XPC: variants seen among roughly 807,000 people sequenced by gnomAD.
XPC encodes XPC complex subunit, DNA damage recognition and repair factor, also known as DNA repair protein complementing XP-C cells.
A neutral mutation model predicts 95.8 loss-of-function variants in XPC; 76 were observed. The ratio of observed to expected loss-of-function variants is 0.79; its 90% CI spans 0.66 to 0.96. The LOEUF (loss-of-function observed/expected upper bound fraction) is 0.96. Ranked by LOEUF, XPC falls within the 40% of genes least tolerant of loss-of-function variation. The pLI, the probability that XPC is intolerant of heterozygous loss-of-function variation, is 0.00. For missense variants in XPC, 1,146 were observed against 1,179.8 expected (o/e 0.97, Z 0.42); for synonymous variants, 442 against 442.1 (o/e 1.00, Z 0.00).
intron 3 of XPC, among the ~76,000 whole-genome samples, chr3:14,169,941 T>C (rs1224022473): frequency 6.6e-6 from 1 of 152,244 alleles, no homozygotes; most frequent in Non-Finnish European, 1.5e-5. Flanking sequence ...TGTGAGTGTA[T>C]GATACATTAG....
chr3:14,178,533 C>T lies in XPC; in HGVS notation c.36G>A (p.Arg12=). Residue 12 remains arginine, a synonymous_variant, in exon 1 of 16, where the codon CGG becomes CGA. Transcript: ENST00000285021. ...ATTTCTGGCTGCGCAGTTCGCGTCC[C>T]CGCGGCTCCCCGCCGGCCGCGCGTT... is the stretch of plus-strand genomic sequence containing the variant. ...ARKRAAGGEP[R]GRELRSQKSK... 1.2e-6 allele frequency: 2 copies of T among 1,613,008 alleles called. No homozygotes were observed. The highest frequency in any genetic ancestry group is 1.7e-6 in the Non-Finnish European group (2 of 1,179,618).
chr3:14,167,039 T>G, intron 5 of XPC, 130 bp downstream of exon 5: 1 of 703,318 alleles, frequency 1.4e-6, no homozygotes, highest in Non-Finnish European at 2.2e-6. Flanking sequence ...CAGATGAGGA[T>G]GCAAAGGCTC....
At chr3:14,154,182 T>C (rs1124303) in intron 10 of XPC, among the ~76,000 whole-genome samples, 1 of 152,304 alleles carries the variant, frequency 6.6e-6, no homozygotes, top group Non-Finnish European at 1.5e-5. Context: ...CCTTGTGGAC[T>C]GTCGGTGAAA....
intron 11 of XPC, 196 bp downstream of exon 11, chr3:14,152,139 C>T: frequency 1.9e-6 from 1 of 538,726 alleles, no homozygotes; most frequent in Non-Finnish European, 3.2e-6. Context: ...CCATTTCTTA[C>T]AAATGTCTTA....
chr3:14,163,947 G>A (rs1194711509), intron 7 of XPC, among the ~76,000 whole-genome samples: 3 of 152,200 alleles, frequency 2.0e-5, no homozygotes, highest in African/African-American at 7.2e-5. Context: ...TACTCGCGAG[G>A]CTGAGGCATG....
At chr3:14,173,137 T>C (rs1348995635) in intron 1 of XPC, 75 bp from the exon 2 acceptor site, 26 of 1,394,284 alleles carry the variant, frequency 1.9e-5, no homozygotes, top group Non-Finnish European at 2.3e-5. Context: ...GGCAGGGGCA[T>C]AAAACGGCTC....
chr3:14,168,174 A>C (rs1305356499), intron 4 of XPC, 83 bp downstream of exon 4: 2 of 1,489,518 alleles, frequency 1.3e-6, no homozygotes, highest in South Asian at 1.4e-5. Context: ...CTGGTCCCCT[A>C]CAAGTTTCTC....
intron 1 of XPC, among the ~76,000 whole-genome samples, chr3:14,175,050 T>C (rs1377795103): frequency 1.3e-5 from 2 of 152,152 alleles, no homozygotes; most frequent in Non-Finnish European, 2.9e-5. Flanking sequence ...CAGCAACTCA[T>C]AGCACTCAGA....
intron 5 of XPC, 101 bp downstream of exon 5, chr3:14,167,068 G>T: frequency 1.9e-6 from 2 of 1,049,282 alleles, no homozygotes; most frequent in East Asian, 2.9e-5. Context: ...TAAGAAACTT[G>T]CCATGGCCAC....
chr3:14,152,148 T>G, intron 11 of XPC, 187 bp downstream of exon 11: 2 of 548,262 alleles, frequency 3.6e-6, no homozygotes, highest in Non-Finnish European at 6.4e-6. Context: ...ACAAATGTCT[T>G]ATTAATAAGA....
chr3:14,149,089 CT>C (rs111520695), intron 11 of XPC, 141 bp from the exon 12 acceptor site: 123,534 of 879,532 alleles, frequency 0.14, no homozygotes, highest in South Asian at 0.21. Flanking sequence ...CTTTTTCTCC[CT>C]TTTTTTTTTT....
chr3:14,147,513 CT>C, intron 14 of XPC, 134 bp from the exon 15 acceptor site: 2 of 854,104 alleles, frequency 2.3e-6, no homozygotes, highest in Non-Finnish European at 3.6e-6. Flanking sequence ...CACACCAAGT[CT>C]CACTTCCAAA....
At chr3:14,167,789 A>G (rs552703138) in intron 4 of XPC, among the ~76,000 whole-genome samples, 14 of 152,194 alleles carry the variant, frequency 9.2e-5, no homozygotes, top group Non-Finnish European at 1.9e-4. Flanking sequence ...CAGAGGCTGC[A>G]GAGGTACTCC....
intron 11 of XPC, among the ~76,000 whole-genome samples, chr3:14,150,525 A>G (rs1160556978): frequency 6.6e-6 from 1 of 152,142 alleles, no homozygotes; most frequent in East Asian, 1.9e-4. Flanking sequence ...CTGAGAAGCC[A>G]TTCACCCAGC....
chr3:14,147,989 G>A lies in XPC; in HGVS notation c.2433C>T (p.Tyr811=), dbSNP rs2125008437. The A allele has an allele frequency of 1.3e-6, 2 of 1,586,792 alleles. No homozygotes were observed. The highest frequency in any genetic ancestry group is 1.7e-6 in the Non-Finnish European group (2 of 1,165,298). ...GGYSHPVTDG[Y]IVCEEFKDVL... ...CGTCTTTGAATTCCTCGCAGACGAT[G>A]TATCCATCAGTCCTGTGGGGACACA... The change falls in exon 14 of 16, where the codon TAC becomes TAT. Residue 811 remains tyrosine (Y), a synonymous_variant. Transcript: ENST00000285021.
intron 1 of XPC, among the ~76,000 whole-genome samples, chr3:14,174,427 T>C (rs1277098961): frequency 6.6e-6 from 1 of 152,188 alleles, no homozygotes; most frequent in Non-Finnish European, 1.5e-5. Context: ...CTTCAATTTC[T>C]ACTAATCTAA....
Position 14,148,935 on chromosome 3 carries a change from A to G in XPC, c.2129T>C (p.Phe710Ser). The change falls in exon 12 of 16, where the codon TTT becomes TCT. Residue 710 changes from phenylalanine to serine, a missense_variant. Transcript: ENST00000285021. ...TCGGGCTTTCCGAGCACGGTTAGAAAAGCCTTTCACCATCTGCACCAGAGG... is the reference window on the plus strand; with the variant it reads ...TCGGGCTTTCCGAGCACGGTTAGAAGAGCCTTTCACCATCTGCACCAGAGG... ...GEVPYKMVKG[F>S]SNRARKARLA... 6.2e-7 allele frequency: 1 copy of G among 1,613,922 alleles called. No homozygotes were observed. The highest frequency in any genetic ancestry group is 1.1e-5 in the South Asian group (1 of 91,078).
chr3:14,155,523 G>A (rs1449774058), intron 10 of XPC, among the ~76,000 whole-genome samples: 1 of 150,848 alleles, frequency 6.6e-6, no homozygotes, highest in East Asian at 2.0e-4. Context: ...TTTTTACTGT[G>A]GTATAAAACA....
chr3:14,171,568 G>A (rs1419246071), intron 2 of XPC, among the ~76,000 whole-genome samples: 1 of 152,232 alleles, frequency 6.6e-6, no homozygotes, highest in Non-Finnish European at 1.5e-5. Context: ...GGGAAGGCCA[G>A]GCGCAATGGC....
Sources: gnomAD v4.1 joint callset for allele counts (sites outside exome capture counted in the v4.1 genomes callset) on GRCh38, gnomAD v4.1.1 for gene constraint, MANE v1.5 for transcripts, NCBI Gene and HGNC (gene_info 2026-07-23, HGNC 2026-07-21) for gene names.